Variants in SOBP observed in about 807,000 individuals in gnomAD.
SOBP encodes the protein sine oculis binding protein homolog, also known as sine oculis-binding protein homolog.
Under a neutral mutation model 53.6 loss-of-function variants are expected in SOBP, and 4 were observed. The ratio of observed to expected loss-of-function variants is 0.07; its 90% CI spans 0.04 to 0.17. The LOEUF is 0.17. SOBP is among the 10% of genes least tolerant of loss of function. The probability of loss-of-function intolerance (pLI) is 1.00; values close to 1 mark genes in which losing one functional copy is unlikely to be tolerated. For missense variants in SOBP, 1,088 were observed against 1,204.7 expected, an observed-to-expected ratio of 0.90 and a Z score of 1.43; for synonymous variants, 584 against 522.6, an observed-to-expected ratio of 1.12 and a Z score of -1.60.
At chr6:107,539,240 A>C (rs190115921) in intron 4 of SOBP, among the ~76,000 whole-genome samples, 1 of 152,260 alleles carries the variant, frequency 6.6e-6, no homozygotes, top group African/African-American at 2.4e-5. Context: ...ATTCTAACCC[A>C]TTAGCCAGAA....
chr6:107,634,296 G>A lies in SOBP; in HGVS notation c.1452G>A (p.Pro484=), dbSNP rs1156847041. ...GLLPPPPPGA[P]LPSLPFPPVS... ...TGCCCCCGCCGCCTCCGGGCGCCCCGCTGCCGAGTCTTCCCTTCCCGCCAG... is the reference window on the plus strand; with the variant it reads ...TGCCCCCGCCGCCTCCGGGCGCCCCACTGCCGAGTCTTCCCTTCCCGCCAG... Residue 484 remains proline (P), a synonymous_variant, in exon 6 of 7, where the codon CCG becomes CCA. Coordinates refer to ENST00000317357, the MANE Select transcript of SOBP (RefSeq NM_018013.4). The surrounding 1 kb of genome is among the most constrained non-coding windows in gnomAD (Gnocchi z 4.5). 1.9e-6 allele frequency: 3 copies of A among 1,554,182 alleles called. No homozygotes were observed. The highest frequency in any genetic ancestry group is 1.7e-6 in the Non-Finnish European group (2 of 1,158,066).
rs1583295932 is a variant in SOBP, at chr6:107,634,747, G to T, written c.1903G>T (p.Gly635Cys). The change falls in exon 6 of 7, where the codon GGC becomes TGC. Residue 635 changes from glycine to cysteine, a missense_variant. By Grantham distance (159) the Gly-to-Cys change is radical. Transcript: ENST00000317357. The surrounding 1 kb of genome is among the most constrained non-coding windows in gnomAD (Gnocchi z 4.5). Reference sequence around the variant, plus strand: ...CGCCGGCAGCCCCCCGGGCCCCCCGGGCGCGGGCGGCCAGCTCGGCTTCCC... The same window carrying T: ...CGCCGGCAGCCCCCCGGGCCCCCCGTGCGCGGGCGGCCAGCTCGGCTTCCC... ...RRAGSPPGPP[G>C]AGGQLGFPGV... 7.5e-7 allele frequency: 1 copy of T among 1,334,016 alleles called. No homozygotes were observed. Among genetic ancestry groups the T allele is most frequent in the South Asian group, 2.0e-5 (1 of 50,034 alleles). The allele number at this position is 1,334,016 out of a possible 1,614,324, so 82.6% of individuals were successfully genotyped here.
At chr6:107,619,926 A>T (rs915106219) in intron 5 of SOBP, among the ~76,000 whole-genome samples, 1 of 151,836 alleles carries the variant, frequency 6.6e-6, no homozygotes, top group Non-Finnish European at 1.5e-5. Flanking sequence ...GATTTTCCTC[A>T]TTTTTTTTAG....
intron 5 of SOBP, among the ~76,000 whole-genome samples, chr6:107,614,475 C>T (rs1786708992): frequency 6.6e-6 from 1 of 152,150 alleles, no homozygotes; most frequent in Admixed American, 6.5e-5. Context: ...GAAGGGCTGC[C>T]GTCTGGAGGA....
chr6:107,559,839 T>C (rs1784724293), intron 4 of SOBP, among the ~76,000 whole-genome samples: 1 of 152,248 alleles, frequency 6.6e-6, no homozygotes, highest in South Asian at 2.1e-4. Context: ...GTGGCAAACA[T>C]AGACTCTTAT....
chr6:107,569,895 C>T (rs1253344255), intron 4 of SOBP, among the ~76,000 whole-genome samples: 4 of 152,254 alleles, frequency 2.6e-5, no homozygotes, highest in Admixed American at 2.0e-4. Flanking sequence ...TCTCACCCCC[C>T]TTTGCAGCCC....
rs1376399973 is a variant in SOBP at position 107,641,074 on chromosome 6, A to G, written c.*3+5605A>G. Among the ~76,000 whole-genome samples the G allele has an allele frequency of 4.6e-5, 7 of 152,384 alleles. No individual in the cohort carries two copies. The East Asian group carries it at 1.2e-3, about 25-fold the overall frequency. On this transcript the variant is annotated intron_variant, in intron 6 of 6. Coordinates refer to ENST00000317357, the MANE Select transcript of SOBP (RefSeq NM_018013.4). ...CATAGATTTTGGCTCCAGAAAAAGTATGCTCTATATCTCTGAAGGATTATC... is the reference window on the plus strand; with the variant it reads ...CATAGATTTTGGCTCCAGAAAAAGTGTGCTCTATATCTCTGAAGGATTATC...
rs1770934140 is a variant in SOBP at position 107,634,831 on chromosome 6, C to A, written c.1987C>A (p.Arg663=). 2 of 1,408,484 alleles carry A rather than the reference C, an allele frequency of 1.4e-6. No homozygotes were observed. The highest frequency in any genetic ancestry group is 1.9e-6 in the Non-Finnish European group (2 of 1,078,076). The allele number at this position is 1,408,484 out of a possible 1,614,324, so 87.2% of individuals were successfully genotyped here. A position where few individuals can be genotyped will look rare whatever the true frequency, so the allele number is the denominator to read the frequency against. Residue 663 remains arginine, a synonymous_variant, in exon 6 of 7, where the codon CGG becomes AGG. Transcript: ENST00000317357. This position sits in a 1 kb window ranked among gnomAD's most constrained non-coding sequence, Gnocchi z 4.5. The part of the protein sequence containing the change: ...VIDLTVGHRA[R]LHNVIHRALH... ...CGACCTGACCGTGGGCCACCGAGCC[C>A]GGCTGCACAACGTGATCCACCGCGC...
intron 4 of SOBP, among the ~76,000 whole-genome samples, chr6:107,565,388 T>C (rs1784885133): frequency 6.6e-6 from 1 of 152,098 alleles, no homozygotes; most frequent in South Asian, 2.1e-4. Flanking sequence ...TCAGAGACTG[T>C]CTCATGGTAG....
chr6:107,582,335 G>C (rs1455345167), intron 4 of SOBP, among the ~76,000 whole-genome samples: 1 of 152,176 alleles, frequency 6.6e-6, no homozygotes, highest in Non-Finnish European at 1.5e-5. Flanking sequence ...ATCAAAATAA[G>C]AGAAGTGAAT....
At chr6:107,500,741 G>C (rs1483396372) in intron 1 of SOBP, among the ~76,000 whole-genome samples, 1 of 152,030 alleles carries the variant, frequency 6.6e-6, no homozygotes, top group African/African-American at 2.4e-5. Context: ...TAGCCAGGAT[G>C]GTCTCGATCT....
At chr6:107,611,583 G>A (rs1052984466) in intron 5 of SOBP, among the ~76,000 whole-genome samples, 4 of 152,156 alleles carry the variant, frequency 2.6e-5, no homozygotes, top group Non-Finnish European at 4.4e-5. Context: ...TAGGAGGACC[G>A]GCTGTATGTG....
At chr6:107,614,947 A>T (rs904561472) in intron 5 of SOBP, among the ~76,000 whole-genome samples, 9 of 152,216 alleles carry the variant, frequency 5.9e-5, no homozygotes, top group Admixed American at 5.2e-4. Context: ...CCGTCTGGTT[A>T]TAAATTCAGT....
chr6:107,603,027 G>A (rs987684967), intron 5 of SOBP, among the ~76,000 whole-genome samples: 1 of 152,110 alleles, frequency 6.6e-6, no homozygotes, highest in Non-Finnish European at 1.5e-5. Flanking sequence ...GACAAGGGCA[G>A]ATCTACTGTG....
chr6:107,595,268 T>C (rs1785903724), intron 5 of SOBP, among the ~76,000 whole-genome samples: 1 of 151,396 alleles, frequency 6.6e-6, no homozygotes, highest in South Asian at 2.1e-4. Flanking sequence ...AGATCAGCTG[T>C]AGACTATAGA....
Position 107,635,745 on chromosome 6 carries a change from C to T in SOBP, c.*3+276C>T, listed in dbSNP as rs931155065. 4.6e-5 allele frequency among the ~76,000 whole-genome samples: 7 copies of T among 152,152 alleles called. No individual in the cohort carries two copies. Among genetic ancestry groups the T allele is most frequent in the African/African-American group, 1.7e-4 (7 of 41,422 alleles). ...CTTGAGGGGAGAGCTCAGTCTCCAA[C>T]CTGTCATGAAATATTGTCTCTCCAA... On this transcript the variant is annotated intron_variant, in intron 6 of 6. Coordinates refer to ENST00000317357, the MANE Select transcript of SOBP (RefSeq NM_018013.4). The surrounding 1 kb of genome is among the most constrained non-coding windows in gnomAD (Gnocchi z 4.5).
chr6:107,495,645 T>C (rs943943181), intron 1 of SOBP, among the ~76,000 whole-genome samples: 3 of 152,070 alleles, frequency 2.0e-5, no homozygotes, highest in East Asian at 1.9e-4. Context: ...GACAGACTTA[T>C]AGAAACCAAG....
chr6:107,625,744 C>G (rs1202830307), intron 5 of SOBP, among the ~76,000 whole-genome samples: 2 of 152,172 alleles, frequency 1.3e-5, no homozygotes, highest in African/African-American at 4.8e-5. Context: ...ATAATCACAG[C>G]AATCCTTCCA....
At chr6:107,569,463 A>G (rs1785008287) in intron 4 of SOBP, among the ~76,000 whole-genome samples, 1 of 152,220 alleles carries the variant, frequency 6.6e-6, no homozygotes, top group Non-Finnish European at 1.5e-5. Context: ...AGGGGGGTGA[A>G]ATAAAGGCTG....
Sources: gnomAD v4.1 joint callset for allele counts (sites outside exome capture counted in the v4.1 genomes callset) on GRCh38, gnomAD v4.1.1 for gene constraint, Gnocchi (gnomAD v3.1) non-coding constraint, MANE v1.5 for transcripts, NCBI Gene and HGNC (gene_info 2026-07-23, HGNC 2026-07-21) for gene names.